Variants in CHRNB4 observed in about 807,000 individuals in gnomAD.
CHRNB4 encodes neuronal acetylcholine receptor subunit beta-4.
Under a neutral mutation model 40.4 loss-of-function variants are expected in CHRNB4, and 23 were observed. The ratio of observed to expected loss-of-function variants is 0.57; its 90% CI spans 0.41 to 0.81. CHRNB4 has a LOEUF of 0.81. Ranked by LOEUF, CHRNB4 falls within the 30% of genes least tolerant of loss-of-function variation. The pLI is 0.00. For synonymous variants in CHRNB4, 285 were observed against 274.4 expected (o/e 1.04, Z -0.38); for missense variants, 568 against 670.6 (o/e 0.85, Z 1.69).
At chr15:78,647,928 T>C (rs578197183) in intron 7 of CHRNB4, among the ~76,000 whole-genome samples, 11 of 148,450 alleles carry the variant, frequency 7.4e-5, no homozygotes, top group African/African-American at 2.5e-4. Context: ...ACGATAAATC[T>C]AGCAAAATAT....
chr15:78,637,449 C>T (rs11072769), intron 1 of CHRNB4, among the ~76,000 whole-genome samples: 151,686 of 151,710 alleles, frequency 1, 75,831 homozygotes, highest in Middle Eastern at 1. Context: ...GAAACAGTGC[C>T]GGGGCAGGGA....
At chr15:78,659,156 G>T (rs528057381) in intron 1 of CHRNB4, among the ~76,000 whole-genome samples, 2 of 152,146 alleles carry the variant, frequency 1.3e-5, no homozygotes. Context: ...GGCCAGGTGA[G>T]GGTGGCTCAT....
chr15:78,661,594 G>C, upstream of CHRNB4: 1 of 511,902 alleles, frequency 2.0e-6, no homozygotes, highest in Non-Finnish European at 3.9e-6. Flanking sequence ...TGTTGGGGCG[G>C]ATGTCAACTC....
intron 2 of CHRNB4, among the ~76,000 whole-genome samples, chr15:78,634,300 C>G (rs1009554743): frequency 2.0e-5 from 3 of 152,198 alleles, no homozygotes; most frequent in African/African-American, 2.4e-5. Flanking sequence ...CTCGTTCACC[C>G]TCACTAGGGC....
In CHRNB4 at chr15:78,625,372, G is replaced by A. The variant is rs1248349492; in HGVS notation, c.1339-81C>T. The A allele has an allele frequency of 1.7e-5, 23 of 1,340,074 alleles. 1 individual carries two copies. In the East Asian group the frequency reaches 5.4e-4, roughly 31 times the overall value. 83.0% of individuals were successfully genotyped at this position (1,340,074 alleles called of 1,614,324 possible). ...CCCCGAGTCAGGCCCTTACTCTCTG[G>A]CCAGGGACTCCACAGGCCACAGGCG... On this transcript the variant is annotated intron_variant, in intron 5 of 5. Coordinates refer to ENST00000261751, the MANE Select transcript of CHRNB4 (RefSeq NM_000750.5).
chr15:78,630,255 C>G (rs1004512249), intron 4 of CHRNB4, among the ~76,000 whole-genome samples: 1 of 151,858 alleles, frequency 6.6e-6, no homozygotes, highest in Non-Finnish European at 1.5e-5. Context: ...TCTCCTGTCT[C>G]GGCCTCCCAA....
At chr15:78,649,279 T>A (rs1043654082) in intron 7 of CHRNB4, 4 of 334,274 alleles carry the variant, frequency 1.2e-5, no homozygotes, top group Middle Eastern at 3.8e-4. Context: ...GACACTCATT[T>A]ATATGATAAT....
At position 78,629,954 on chromosome 15, in the gene CHRNB4, G is replaced by A; in HGVS notation, c.360-9C>T. The stretch of plus-strand genomic sequence containing the variant: ...CATAGGTCCCGTCGGCGCTGGGCAG[G>A]GTCAGGGCATGGAGAACATCGTGAA... On this transcript the variant is annotated splice_polypyrimidine_tract_variant and intron_variant, in intron 4 of 5. Coordinates refer to ENST00000261751, the MANE Select transcript of CHRNB4 (RefSeq NM_000750.5). This position sits in a 1 kb window ranked among gnomAD's most constrained non-coding sequence, Gnocchi z 6.8. 1.3e-6 allele frequency: 2 copies of A among 1,554,378 alleles called. No individual in the cohort carries two copies. The highest frequency in any genetic ancestry group is 1.4e-5 in the African/African-American group (1 of 73,590).
At chr15:78,641,276 C>T, upstream of CHRNB4, 2 of 637,874 alleles carry the variant, frequency 3.1e-6, no homozygotes, top group Non-Finnish European at 4.9e-6. Flanking sequence ...CGCGGAGAGC[C>T]CCGCCGAGCC....
At chr15:78,644,665 T>C (rs2054108722), upstream of CHRNB4, among the ~76,000 whole-genome samples, 1 of 152,182 alleles carries the variant, frequency 6.6e-6, no homozygotes, top group South Asian at 2.1e-4. Flanking sequence ...GCTGACTAAA[T>C]TGAAATATAG....
Position 78,629,666 on chromosome 15 carries a change from G to T in CHRNB4, c.639C>A (p.Asn213Lys), listed in dbSNP as rs913371168. ...CGTCCACGTAGCTGGGGTCTTGTGG[G>T]TTCACTGTCCTTCTCCCTGGGAGGG... The part of the protein sequence containing the change: ...IVALPGRRTV[N>K]PQDPSYVDVT... Residue 213 changes from asparagine to lysine, a missense_variant, in exon 5 of 6, where the codon AAC (asparagine) becomes AAA (lysine). By Grantham distance (94) the Asn-to-Lys change is moderately conservative. This residue lies in a region of CHRNB4 where 127 missense variants were observed against 167.4 expected (regional missense o/e 0.76). Coordinates refer to ENST00000261751, the MANE Select transcript of CHRNB4 (RefSeq NM_000750.5). The surrounding 1 kb of genome is among the most constrained non-coding windows in gnomAD (Gnocchi z 6.8). 1.2e-6 allele frequency: 2 copies of T among 1,614,130 alleles called. No homozygotes were observed. The highest frequency in any genetic ancestry group is 2.7e-5 in the African/African-American group (2 of 75,026).
intron 2 of CHRNB4, among the ~76,000 whole-genome samples, chr15:78,632,211 TTCTCTTTCTCTC>T (rs2053838472): frequency 4.5e-5 from 4 of 88,880 alleles, no homozygotes; most frequent in African/African-American, 2.8e-4. Flanking sequence ...CTTTCTTTCT[TTCTCTTTCTCTC>T]TCTCTCTCTC....
intron 7 of CHRNB4, among the ~76,000 whole-genome samples, chr15:78,648,207 C>T (rs867183484): frequency 1.3e-5 from 2 of 151,416 alleles, no homozygotes; most frequent in Admixed American, 6.6e-5. Context: ...TCCTGGCTAA[C>T]GCAGTGAAAC....
intron 1 of CHRNB4, among the ~76,000 whole-genome samples, chr15:78,636,678 G>C (rs2141389059): frequency 6.6e-6 from 1 of 151,334 alleles, no homozygotes; most frequent in South Asian, 2.1e-4. Context: ...ATTCCTCCTG[G>C]ATTCAAAGGA....
At chr15:78,647,325 A>G (rs1466575858) in intron 7 of CHRNB4, among the ~76,000 whole-genome samples, 1 of 151,742 alleles carries the variant, frequency 6.6e-6, no homozygotes, top group Non-Finnish European at 1.5e-5. Flanking sequence ...AAGGAATTAT[A>G]TATATAAACA....
chr15:78,653,202 CTCAA>C (rs2052427941), intron 5 of CHRNB4, among the ~76,000 whole-genome samples: 1 of 152,150 alleles, frequency 6.6e-6, no homozygotes, highest in Admixed American at 6.5e-5. Flanking sequence ...CTGTTGCTTC[CTCAA>C]TCAGTCATAA....
At chr15:78,635,610 CT>C (rs1300071799) in intron 1 of CHRNB4, 23 bp from the exon 2 acceptor site, 2 of 1,612,916 alleles carry the variant, frequency 1.2e-6, no homozygotes, top group Non-Finnish European at 1.7e-6. Flanking sequence ...ACAGTCAGAC[CT>C]GCTGGGCCCT....
At chr15:78,656,125 G>T (rs1052089222) in intron 4 of CHRNB4, 1 of 152,084 alleles carries the variant, frequency 6.6e-6, no homozygotes, top group African/African-American at 2.4e-5. Context: ...ATCACTTGAG[G>T]TCAGGAGTTT....
chr15:78,659,200 A>T (rs945556978), intron 1 of CHRNB4, among the ~76,000 whole-genome samples: 1 of 152,154 alleles, frequency 6.6e-6, no homozygotes, highest in African/African-American at 2.4e-5. Flanking sequence ...AGCCTGAAGC[A>T]GGTGGGTCAT....
Sources: allele counts gnomAD v4.1 joint callset (sites outside exome capture counted in the v4.1 genomes callset), GRCh38; gene constraint gnomAD v4.1.1; regional missense constraint gnomAD v4.1.1; non-coding constraint Gnocchi (gnomAD v3.1); transcripts MANE v1.5; gene names NCBI Gene and HGNC (gene_info 2026-07-23, HGNC 2026-07-21).